GMDS: variants seen among roughly 807,000 people sequenced by gnomAD.
GMDS encodes the protein GDP-mannose 4,6 dehydratase.
GMDS carries 20 observed loss-of-function variants against 49.9 expected under a neutral mutation model. That is an observed-to-expected ratio of 0.40 (90% CI 0.28 to 0.58). GMDS has a LOEUF of 0.58. Among genes scored for constraint, GMDS ranks in the 20% least tolerant of loss-of-function variants. The pLI, the probability that GMDS is intolerant of heterozygous loss-of-function variation, is 0.42. For synonymous variants in GMDS, 177 were observed against 178.6 expected, an observed-to-expected ratio of 0.99 and a Z score of 0.07; for missense variants, 362 against 481.4, an observed-to-expected ratio of 0.75 and a Z score of 2.32.
At chr6:2,232,088 G>A (rs1358788186) in intron 1 of GMDS, among the ~76,000 whole-genome samples, 1 of 151,818 alleles carries the variant, frequency 6.6e-6, no homozygotes, top group African/African-American at 2.4e-5. Flanking sequence ...ATAGTCAAAA[G>A]TATATAATTT....
intron 4 of GMDS, among the ~76,000 whole-genome samples, chr6:2,016,337 G>A (rs1767900990): frequency 2.7e-5 from 4 of 150,768 alleles, no homozygotes; most frequent in African/African-American, 9.7e-5. Context: ...AGAGAATCAA[G>A]GAGTACTTCC....
intron 7 of GMDS, among the ~76,000 whole-genome samples, chr6:1,747,374 A>G (rs866915429): frequency 6.6e-6 from 1 of 151,676 alleles, no homozygotes; most frequent in Non-Finnish European, 1.5e-5. Flanking sequence ...AATGAAGGTT[A>G]TGTTTAACTA....
chr6:1,771,152 A>C (rs1768563068), intron 7 of GMDS, among the ~76,000 whole-genome samples: 1 of 152,234 alleles, frequency 6.6e-6, no homozygotes, highest in Admixed American at 6.5e-5. Flanking sequence ...TTTTGGAGTG[A>C]AGCCATCTAA....
chr6:1,733,109 G>A (rs936912075), intron 8 of GMDS, among the ~76,000 whole-genome samples: 1 of 152,180 alleles, frequency 6.6e-6, no homozygotes, highest in East Asian at 1.9e-4. Flanking sequence ...CCTCTGGATG[G>A]GGAGGGGATG....
Position 1,843,106 on chromosome 6 carries a change from C to A in GMDS, c.771+86997G>T, listed in dbSNP as rs563981543. ...GCCTGAGCAACAGAGTAAGACCCTG[C>A]ATCAAATAAAATAAAATAAAATAAA... On this transcript the variant is annotated intron_variant, in intron 7 of 10. Coordinates refer to ENST00000380815, the MANE Select transcript of GMDS (RefSeq NM_001500.4). Among the ~76,000 whole-genome samples the A allele has an allele frequency of 1.7e-4, 4 of 24,018 alleles. No individual in the cohort carries two copies. In the East Asian group the frequency reaches 1.9e-3, roughly 12 times the overall value. 15.8% of individuals were successfully genotyped at this position (24,018 alleles called of 152,430 possible). A position where few individuals can be genotyped will look rare whatever the true frequency, so the allele number is the denominator to read the frequency against.
rs140217686 is a variant in GMDS, at chr6:1,646,934, C to T, written c.988-22394G>A. Among the ~76,000 whole-genome samples the T allele has an allele frequency of 5.8e-3, 886 of 152,278 alleles. 7 individuals carry two copies. The highest frequency in any genetic ancestry group is 0.034 in the South Asian group (166 of 4,812). On this transcript the variant is annotated intron_variant, in intron 9 of 10. Coordinates refer to ENST00000380815, the MANE Select transcript of GMDS (RefSeq NM_001500.4). ...GCCAGGTCAGAGGGGGCCTACTGGGCTCACTCAGTCTCTTACAAAAAGACC... is the reference window on the plus strand; with the variant it reads ...GCCAGGTCAGAGGGGGCCTACTGGGTTCACTCAGTCTCTTACAAAAAGACC...
intron 4 of GMDS, among the ~76,000 whole-genome samples, chr6:1,995,383 A>G (rs894618095): frequency 6.6e-6 from 1 of 152,148 alleles, no homozygotes; most frequent in Non-Finnish European, 1.5e-5. Flanking sequence ...GGGCTCTACC[A>G]AAAAGAGTAA....
intron 4 of GMDS, among the ~76,000 whole-genome samples, chr6:2,113,228 T>C (rs1458174047): frequency 1.3e-5 from 2 of 152,126 alleles, no homozygotes; most frequent in African/African-American, 2.4e-5. Flanking sequence ...CCCTCTTCTC[T>C]AGTGACCACA....
chr6:1,773,674 T>C (rs887034827), intron 7 of GMDS, among the ~76,000 whole-genome samples: 2 of 152,120 alleles, frequency 1.3e-5, no homozygotes, highest in Admixed American at 1.3e-4. Context: ...CCTTGGGGAG[T>C]GTCTGACACA....
chr6:1,894,995 C>T (rs778586417), intron 7 of GMDS, among the ~76,000 whole-genome samples: 7 of 152,090 alleles, frequency 4.6e-5, no homozygotes, highest in African/African-American at 1.4e-4. Flanking sequence ...ATTTATCAAC[C>T]GGTTGGATAT....
intron 1 of GMDS, among the ~76,000 whole-genome samples, chr6:2,135,761 T>C (rs1181744306): frequency 6.6e-6 from 1 of 152,172 alleles, no homozygotes; most frequent in African/African-American, 2.4e-5. Flanking sequence ...TTAAAAAAGG[T>C]AAAAAGAAAC....
chr6:1,945,911 A>C (rs1014795120), intron 6 of GMDS, among the ~76,000 whole-genome samples: 1 of 152,216 alleles, frequency 6.6e-6, no homozygotes, highest in African/African-American at 2.4e-5. Context: ...TATCCCTGAC[A>C]TGGTATTCCC....
At chr6:1,906,014 G>T (rs1360892368) in intron 7 of GMDS, among the ~76,000 whole-genome samples, 3 of 152,024 alleles carry the variant, frequency 2.0e-5, no homozygotes, top group Non-Finnish European at 4.4e-5. Flanking sequence ...TTTCTTCACA[G>T]ATCCACACAG....
intron 7 of GMDS, among the ~76,000 whole-genome samples, chr6:1,801,577 C>T (rs904360783): frequency 1.3e-5 from 2 of 152,228 alleles, no homozygotes; most frequent in African/African-American, 4.8e-5. Flanking sequence ...ACCTCACTCC[C>T]GTCGGAGAGG....
chr6:2,062,626 A>C (rs1771257059), intron 4 of GMDS, among the ~76,000 whole-genome samples: 1 of 152,192 alleles, frequency 6.6e-6, no homozygotes, highest in South Asian at 2.1e-4. Flanking sequence ...TTCTTCCTTC[A>C]TTCATTCAAA....
At chr6:1,632,033 T>G (rs1006309233) in intron 9 of GMDS, among the ~76,000 whole-genome samples, 1 of 152,180 alleles carries the variant, frequency 6.6e-6, no homozygotes, top group Non-Finnish European at 1.5e-5. Context: ...CTATACTACA[T>G]GGTCACCTGG....
At chr6:1,829,132 G>C (rs1301484578) in intron 7 of GMDS, among the ~76,000 whole-genome samples, 1 of 152,164 alleles carries the variant, frequency 6.6e-6, no homozygotes, top group Non-Finnish European at 1.5e-5. Context: ...CTAGGCTTGA[G>C]AGAACAAGAA....
chr6:1,991,634 C>T (rs1765945336), intron 4 of GMDS, among the ~76,000 whole-genome samples: 1 of 152,152 alleles, frequency 6.6e-6, no homozygotes, highest in Non-Finnish European at 1.5e-5. Context: ...CCTCTGATCC[C>T]TATGGTTGTT....
At chr6:1,750,651 G>A (rs1767682086) in intron 7 of GMDS, among the ~76,000 whole-genome samples, 1 of 152,062 alleles carries the variant, frequency 6.6e-6, no homozygotes, top group Admixed American at 6.5e-5. Context: ...CACAAAACTG[G>A]GCAGACACCG....
Sources: gnomAD v4.1 joint callset for allele counts (sites outside exome capture counted in the v4.1 genomes callset) on GRCh38, gnomAD v4.1.1 for gene constraint, MANE v1.5 for transcripts, NCBI Gene and HGNC (gene_info 2026-07-23, HGNC 2026-07-21) for gene names.